Variants in HTR1F observed in about 807,000 individuals in gnomAD.
HTR1F encodes 5-hydroxytryptamine receptor 1F.
HTR1F carries 17 observed loss-of-function variants against 24.0 expected under a neutral mutation model. That is an observed-to-expected ratio of 0.71 (90% CI 0.48 to 1.06). HTR1F has a LOEUF of 1.06. HTR1F is among the 50% of genes least tolerant of loss of function. The pLI is 0.00. For missense variants in HTR1F, 391 were observed against 427.8 expected (o/e 0.91, Z 0.76); for synonymous variants, 186 against 156.8 (o/e 1.19, Z -1.39).
chr3:87,801,357 T>C (rs138468983), intron 1 of HTR1F, among the ~76,000 whole-genome samples: 3 of 152,334 alleles, frequency 2.0e-5, no homozygotes, highest in African/African-American at 7.2e-5. Context: ...CTTGTTTGTG[T>C]GAACCCAGAA....
At chr3:87,935,344 T>G (rs1704386153) in intron 2 of HTR1F, among the ~76,000 whole-genome samples, 2 of 152,236 alleles carry the variant, frequency 1.3e-5, no homozygotes, top group African/African-American at 4.8e-5. Context: ...GACTCTGCAT[T>G]GCATTGACTG....
At chr3:87,903,889 T>A (rs1275934327) in intron 2 of HTR1F, among the ~76,000 whole-genome samples, 1 of 152,206 alleles carries the variant, frequency 6.6e-6, no homozygotes, top group Non-Finnish European at 1.5e-5. Context: ...TGTCCAGCAA[T>A]GATACACAGC....
At chr3:87,892,883 C>T (rs1163821264) in intron 2 of HTR1F, among the ~76,000 whole-genome samples, 2 of 151,806 alleles carry the variant, frequency 1.3e-5, no homozygotes, top group African/African-American at 4.8e-5. Flanking sequence ...CAGTTTGCTA[C>T]CATCATCTGT....
chr3:87,826,222 A>G (rs1355123030), intron 2 of HTR1F, among the ~76,000 whole-genome samples: 1 of 152,164 alleles, frequency 6.6e-6, no homozygotes, highest in Non-Finnish European at 1.5e-5. Flanking sequence ...GTATTAGAGA[A>G]CCTGGGTGAG....
intron 1 of HTR1F, among the ~76,000 whole-genome samples, chr3:87,808,383 G>A (rs894099855): frequency 5.9e-5 from 9 of 151,644 alleles, no homozygotes; most frequent in Non-Finnish European, 4.4e-5. Flanking sequence ...GTTTCCTCTA[G>A]GTTTTCTAAT....
At chr3:87,905,795 A>G (rs1703655672) in intron 2 of HTR1F, among the ~76,000 whole-genome samples, 1 of 152,126 alleles carries the variant, frequency 6.6e-6, no homozygotes, top group Non-Finnish European at 1.5e-5. Context: ...AGGCACAAAG[A>G]TAGCATTTTT....
At chr3:87,859,592 T>C (rs1705273543) in intron 2 of HTR1F, among the ~76,000 whole-genome samples, 1 of 152,204 alleles carries the variant, frequency 6.6e-6, no homozygotes, top group South Asian at 2.1e-4. Context: ...GATTCAGCAA[T>C]GCTCAATGAA....
intron 2 of HTR1F, among the ~76,000 whole-genome samples, chr3:87,850,000 A>C (rs1410733881): frequency 6.6e-6 from 1 of 151,994 alleles, no homozygotes; most frequent in Admixed American, 6.5e-5. Flanking sequence ...ACACTTTTAC[A>C]CTGTTGGTGG....
At chr3:87,953,698 C>T (rs1350261449) in intron 2 of HTR1F, among the ~76,000 whole-genome samples, 4 of 151,562 alleles carry the variant, frequency 2.6e-5, no homozygotes, top group Admixed American at 6.6e-5. Flanking sequence ...TTATCAAAAG[C>T]AAAGAAAATC....
intron 2 of HTR1F, among the ~76,000 whole-genome samples, chr3:87,850,691 AAATT>A (rs560224109): frequency 2.0e-5 from 3 of 151,912 alleles, no homozygotes; most frequent in Non-Finnish European, 4.4e-5. Context: ...ATATTTTCAA[AAATT>A]AATATAGAAA....
At position 87,961,495 on chromosome 3, in the gene HTR1F, C is replaced by T. The variant is rs550105849; in HGVS notation, c.-42-29213C>T. Among the ~76,000 whole-genome samples the T allele has an allele frequency of 1.4e-4, 22 of 152,080 alleles. No homozygotes were observed. The South Asian group carries it at 4.6e-3, about 31-fold the overall frequency. On this transcript the variant is annotated intron_variant, in intron 2 of 2. Transcript: ENST00000319595. ...TTATAACTTCAGCTGGGCTTCGTGG[C>T]TCACATTTATAATCCCAGCATGTTG...
chr3:87,933,762 G>C (rs1704343788), intron 2 of HTR1F, among the ~76,000 whole-genome samples: 1 of 152,188 alleles, frequency 6.6e-6, no homozygotes, highest in Non-Finnish European at 1.5e-5. Flanking sequence ...TCAATATTAT[G>C]AAAATGGCCA....
chr3:87,900,293 G>A (rs1048758197), intron 2 of HTR1F, among the ~76,000 whole-genome samples: 3 of 152,180 alleles, frequency 2.0e-5, no homozygotes, highest in Admixed American at 6.5e-5. Flanking sequence ...ATATTGGAAT[G>A]AACTTTTAAG....
At chr3:87,934,681 T>C (rs951551932) in intron 2 of HTR1F, among the ~76,000 whole-genome samples, 1 of 152,124 alleles carries the variant, frequency 6.6e-6, no homozygotes, top group Admixed American at 6.5e-5. Context: ...TCCAGGCAAA[T>C]CTTCATTCCA....
At chr3:87,970,827 A>G (rs1329585479) in intron 2 of HTR1F, among the ~76,000 whole-genome samples, 1 of 152,226 alleles carries the variant, frequency 6.6e-6, no homozygotes, top group Non-Finnish European at 1.5e-5. Context: ...AGCAAGATAT[A>G]TAATCCAACA....
At chr3:87,909,296 T>G (rs532690816) in intron 2 of HTR1F, among the ~76,000 whole-genome samples, 104 of 152,144 alleles carry the variant, frequency 6.8e-4, no homozygotes, top group South Asian at 5.4e-3. Context: ...TACTGAAATT[T>G]TGGTGGTTTG....
At chr3:87,966,198 T>C (rs1705159209) in intron 2 of HTR1F, among the ~76,000 whole-genome samples, 1 of 152,174 alleles carries the variant, frequency 6.6e-6, no homozygotes, top group Admixed American at 6.5e-5. Flanking sequence ...GCCAAGGACC[T>C]TTCTCAAGCC....
At chr3:87,980,292 G>A (rs1339017048) in intron 2 of HTR1F, among the ~76,000 whole-genome samples, 2 of 152,162 alleles carry the variant, frequency 1.3e-5, no homozygotes, top group South Asian at 2.1e-4. Context: ...TCAGCAGAGC[G>A]GAGACCTGGA....
intron 2 of HTR1F, among the ~76,000 whole-genome samples, chr3:87,946,540 TA>T (rs11456568): frequency 1.3e-5 from 2 of 150,130 alleles, no homozygotes; most frequent in Admixed American, 1.3e-4. Flanking sequence ...TTATCTACAC[TA>T]AAAAAAATTT....
Sources: gnomAD v4.1 joint callset for allele counts (sites outside exome capture counted in the v4.1 genomes callset) on GRCh38, gnomAD v4.1.1 for gene constraint, MANE v1.5 for transcripts, NCBI Gene and HGNC (gene_info 2026-07-23, HGNC 2026-07-21) for gene names.